Variants in COL25A1 observed in about 807,000 individuals in gnomAD.
COL25A1 encodes the protein collagen type XXV alpha 1 chain.
COL25A1 carries 103 observed loss-of-function variants against 128.4 expected under a neutral mutation model. The observed-to-expected ratio is 0.80, with a 90% CI of 0.68 to 0.94. The LOEUF (loss-of-function observed/expected upper bound fraction) is 0.94. Ranked by LOEUF, COL25A1 falls within the 40% of genes least tolerant of loss-of-function variation. The pLI is 0.00. For missense variants in COL25A1, 745 were observed against 840.0 expected (o/e 0.89, Z 1.40); for synonymous variants, 279 against 277.2 (o/e 1.01, Z -0.06).
chr4:108,966,957 A>T, intron 8 of COL25A1, among the ~76,000 whole-genome samples: 1 of 150,362 alleles, frequency 6.7e-6, no homozygotes, highest in East Asian at 2.0e-4. Context: ...AAGAAAGAAA[A>T]AGAAAGAAAG....
At chr4:108,987,211 C>T (rs533376260) in intron 6 of COL25A1, among the ~76,000 whole-genome samples, 1 of 152,128 alleles carries the variant, frequency 6.6e-6, no homozygotes, top group Non-Finnish European at 1.5e-5. Flanking sequence ...CCCAATTCTC[C>T]ACAAGGAGCC....
chr4:108,893,446 C>T (rs114750452), intron 16 of COL25A1, among the ~76,000 whole-genome samples: 5 of 152,102 alleles, frequency 3.3e-5, no homozygotes, highest in Non-Finnish European at 4.4e-5. Flanking sequence ...GACTGAACTC[C>T]GTCTTTGGCA....
At chr4:109,035,517 C>T (rs111777770) in intron 5 of COL25A1, among the ~76,000 whole-genome samples, 16 of 151,980 alleles carry the variant, frequency 1.1e-4, no homozygotes, top group South Asian at 4.2e-4. Flanking sequence ...TAGAAATGAC[C>T]GGGGTACTTT....
Position 109,241,626 on chromosome 4 carries a change from C to CAA in COL25A1, c.367+58955_367+58956dup, listed in dbSNP as rs34490958. Reference sequence around the variant, plus strand: ...CAAATCTATGAAGCATCTGTCTAGCCAAAAAAAAAAAAAAATTGCTTGAGG... The same window carrying CAA: ...CAAATCTATGAAGCATCTGTCTAGCCAAAAAAAAAAAAAAAAATTGCTTGAGG... On this transcript the variant is annotated intron_variant, in intron 3 of 37. Coordinates refer to ENST00000399132, the MANE Select transcript of COL25A1 (RefSeq NM_198721.4). 7.5e-3 allele frequency among the ~76,000 whole-genome samples: 1,000 copies of CAA among 133,906 alleles called. 4 individuals are homozygous for CAA. Among genetic ancestry groups the CAA allele is most frequent in the Non-Finnish European group, 8.4e-3 (504 of 60,078 alleles). 87.8% of individuals were successfully genotyped at this position (133,906 alleles called of 152,430 possible).
chr4:108,957,258 G>T (rs897789717), intron 8 of COL25A1, among the ~76,000 whole-genome samples: 5 of 152,136 alleles, frequency 3.3e-5, no homozygotes, highest in Non-Finnish European at 5.9e-5. Flanking sequence ...ACTGGATGAA[G>T]AAGATGGGCT....
chr4:109,152,932 G>T (rs563598611), intron 3 of COL25A1, among the ~76,000 whole-genome samples: 1 of 152,186 alleles, frequency 6.6e-6, no homozygotes, highest in South Asian at 2.1e-4. Context: ...AGCTGGGGAA[G>T]ACGCAAAAAT....
intron 3 of COL25A1, among the ~76,000 whole-genome samples, chr4:109,279,011 C>T (rs1316372321): frequency 2.6e-5 from 4 of 150,948 alleles, no homozygotes; most frequent in South Asian, 4.2e-4. Context: ...GGCACTAATC[C>T]AATTTATCTG....
intron 3 of COL25A1, among the ~76,000 whole-genome samples, chr4:109,241,868 T>C (rs558803682): frequency 6.6e-5 from 10 of 152,126 alleles, no homozygotes; most frequent in Middle Eastern, 3.2e-3. Context: ...AATTCATTTG[T>C]ACAGATTCCT....
intron 32 of COL25A1, among the ~76,000 whole-genome samples, chr4:108,829,593 T>C (rs1225366011): frequency 1.3e-5 from 2 of 152,026 alleles, no homozygotes; most frequent in Non-Finnish European, 2.9e-5. Flanking sequence ...AAAATCTCCA[T>C]AGATTATTTT....
At chr4:108,992,868 G>A (rs1534199) in intron 6 of COL25A1, among the ~76,000 whole-genome samples, 118,503 of 151,688 alleles carry the variant, frequency 0.78, 47,607 homozygotes, top group East Asian at 0.93. Flanking sequence ...ATTTTTAATT[G>A]ACAGAGAAAA....
chr4:108,942,138 T>A, intron 8 of COL25A1: 2 of 1,485,016 alleles, frequency 1.3e-6, no homozygotes, highest in Non-Finnish European at 1.8e-6. Context: ...GGCAAGCCAA[T>A]TGAATGGTTC....
At chr4:109,247,854 T>G (rs1238175631) in intron 3 of COL25A1, among the ~76,000 whole-genome samples, 1 of 151,938 alleles carries the variant, frequency 6.6e-6, no homozygotes, top group African/African-American at 2.4e-5. Flanking sequence ...AAGATCCAAG[T>G]AAAACATCAA....
At chr4:109,253,760 G>A (rs912552661) in intron 3 of COL25A1, among the ~76,000 whole-genome samples, 16 of 152,126 alleles carry the variant, frequency 1.1e-4, no homozygotes, top group Admixed American at 6.5e-4. Flanking sequence ...TAATAGCAAC[G>A]TTAGAAAAAT....
At chr4:108,963,546 T>C (rs1750965651) in intron 8 of COL25A1, among the ~76,000 whole-genome samples, 1 of 152,132 alleles carries the variant, frequency 6.6e-6, no homozygotes, top group South Asian at 2.1e-4. Context: ...ATGCTTCCAT[T>C]GTAGGCGTTA....
chr4:109,280,606 T>C (rs1723281959), intron 3 of COL25A1, among the ~76,000 whole-genome samples: 1 of 152,310 alleles, frequency 6.6e-6, no homozygotes, highest in African/African-American at 2.4e-5. Context: ...GGTATGATTA[T>C]AGTATTGTGG....
At chr4:109,224,569 C>G (rs7656748) in intron 3 of COL25A1, among the ~76,000 whole-genome samples, 13,190 of 152,090 alleles carry the variant, frequency 0.087, 1,194 homozygotes, top group African/African-American at 0.23. Flanking sequence ...TAAATTACTT[C>G]ACTAAAATAT....
chr4:109,147,435 G>A (rs552299046), intron 3 of COL25A1, among the ~76,000 whole-genome samples: 30 of 152,246 alleles, frequency 2.0e-4, no homozygotes, highest in African/African-American at 7.2e-4. Flanking sequence ...AGGAGAAACT[G>A]CTTTTCAAAT....
chr4:109,241,037 G>A (rs1245503054), intron 3 of COL25A1, among the ~76,000 whole-genome samples: 1 of 151,996 alleles, frequency 6.6e-6, no homozygotes, highest in Non-Finnish European at 1.5e-5. Flanking sequence ...ACTACACAAT[G>A]CCTCTGTCAT....
Position 109,125,017 on chromosome 4 carries a change from A to C in COL25A1, c.368-74838T>G, listed in dbSNP as rs530173854. Among the ~76,000 whole-genome samples the C allele has an allele frequency of 2.1e-3, 314 of 151,868 alleles. 4 individuals carry two copies. Among genetic ancestry groups the C allele is most frequent in the African/African-American group, 6.9e-3 (287 of 41,446 alleles). On this transcript the variant is annotated intron_variant, in intron 3 of 37. Transcript: ENST00000399132. ...ATTTAAAAACAGAAAACAAAGCAAAACCCCCCCACACTTTTCGCCTAGAAT... is the reference window on the plus strand; with the variant it reads ...ATTTAAAAACAGAAAACAAAGCAAACCCCCCCCACACTTTTCGCCTAGAAT...
Sources: allele counts gnomAD v4.1 joint callset (sites outside exome capture counted in the v4.1 genomes callset), GRCh38; gene constraint gnomAD v4.1.1; transcripts MANE v1.5; gene names NCBI Gene and HGNC (gene_info 2026-07-23, HGNC 2026-07-21).